Variants in TLE4 observed in about 807,000 individuals in gnomAD.
TLE4 encodes the protein transducin-like enhancer protein 4.
In TLE4, 8 loss-of-function variants were observed where a neutral mutation model predicts 92.8. That is an observed-to-expected ratio of 0.09 (90% CI 0.05 to 0.16). The LOEUF (loss-of-function observed/expected upper bound fraction) is 0.16. Among genes scored for constraint, TLE4 ranks in the 10% least tolerant of loss-of-function variants. TLE4 has a pLI of 1.00. For synonymous variants in TLE4, 371 were observed against 374.1 expected, an observed-to-expected ratio of 0.99 and a Z score of 0.10; for missense variants, 675 against 997.6, an observed-to-expected ratio of 0.68 and a Z score of 4.36.
chr9:79,575,646 A>T (rs1231865745), intron 3 of TLE4: 1 of 152,390 alleles, frequency 6.6e-6, no homozygotes, highest in Non-Finnish European at 1.5e-5. Context: ...TAACCCACTC[A>T]TTTATTTTTC....
chr9:79,617,897 A>G (rs1376778664), intron 5 of TLE4, among the ~76,000 whole-genome samples: 4 of 151,776 alleles, frequency 2.6e-5, no homozygotes, highest in Admixed American at 1.3e-4. Flanking sequence ...GAAGCCATCT[A>G]TAGCTAATTT....
At chr9:79,705,493 A>G (rs1053608672) in intron 9 of TLE4, among the ~76,000 whole-genome samples, 1 of 152,180 alleles carries the variant, frequency 6.6e-6, no homozygotes, top group Non-Finnish European at 1.5e-5. Context: ...AAAGCTGGAA[A>G]TCTGGATTTT....
intron 4 of TLE4, among the ~76,000 whole-genome samples, chr9:79,591,377 T>G (rs1159955216): frequency 6.6e-6 from 1 of 152,036 alleles, no homozygotes; most frequent in Non-Finnish European, 1.5e-5. Flanking sequence ...TCAGGCTGTG[T>G]TTAGTGTTTC....
intron 8 of TLE4, among the ~76,000 whole-genome samples, chr9:79,670,342 AGGCTCACAAAT>A (rs1258494377): frequency 1.3e-5 from 2 of 152,162 alleles, no homozygotes; most frequent in Non-Finnish European, 2.9e-5. Context: ...GCACAACAAA[AGGCTCACAAAT>A]GAAAAGAATG....
chr9:79,667,000 T>G (rs571784172), intron 8 of TLE4, among the ~76,000 whole-genome samples: 29 of 152,364 alleles, frequency 1.9e-4, no homozygotes, highest in Middle Eastern at 3.4e-3. Context: ...TCAGGCACTT[T>G]GGAGTTCATT....
chr9:79,633,047 T>G (rs1310783331), intron 6 of TLE4, among the ~76,000 whole-genome samples: 2 of 152,192 alleles, frequency 1.3e-5, no homozygotes, highest in Non-Finnish European at 2.9e-5. Flanking sequence ...CCTCACTCTT[T>G]TTCTTTTCTT....
chr9:79,625,612 T>A (rs1291897054), intron 5 of TLE4, among the ~76,000 whole-genome samples: 1 of 152,058 alleles, frequency 6.6e-6, no homozygotes, highest in Non-Finnish European at 1.5e-5. Context: ...ATCTAGAGAA[T>A]CAAATTGTCT....
chr9:79,627,679 G>T, intron 6 of TLE4: 1 of 517,070 alleles, frequency 1.9e-6, no homozygotes, highest in East Asian at 3.4e-5. Context: ...CCTCTAAGGA[G>T]ACTGGATAGC....
intron 8 of TLE4, among the ~76,000 whole-genome samples, chr9:79,658,830 T>C (rs1490371868): frequency 6.6e-6 from 1 of 152,132 alleles, no homozygotes; most frequent in Non-Finnish European, 1.5e-5. Flanking sequence ...AAAGGGGAAA[T>C]CATTGAAATC....
intron 4 of TLE4, among the ~76,000 whole-genome samples, chr9:79,580,715 CT>C (rs371897356): frequency 0.027 from 3,758 of 140,862 alleles, 68 homozygotes; most frequent in African/African-American, 0.049. Flanking sequence ...TACCCAGTGC[CT>C]TTTTTTTTTT....
At chr9:79,616,073 T>C (rs1307337584) in intron 5 of TLE4, among the ~76,000 whole-genome samples, 1 of 152,178 alleles carries the variant, frequency 6.6e-6, no homozygotes, top group Non-Finnish European at 1.5e-5. Context: ...AATTTATTCT[T>C]CAAAAAGCCA....
Position 79,720,310 on chromosome 9 carries a change from T to C in TLE4, c.1838+17T>C, listed in dbSNP as rs754790378. ...CTTGGTGAGGTAGGTTAGCAGGATCTGTTACCAGGTTGTGAGGAGGAGCCG... is the reference window on the plus strand; with the variant it reads ...CTTGGTGAGGTAGGTTAGCAGGATCCGTTACCAGGTTGTGAGGAGGAGCCG... On this transcript the variant is annotated intron_variant, in intron 16 of 19. Transcript: ENST00000376552. 6.2e-7 allele frequency: 1 copy of C among 1,600,638 alleles called. No homozygotes were observed. Among genetic ancestry groups the C allele is most frequent in the South Asian group, 1.1e-5 (1 of 90,332 alleles).
At chr9:79,587,735 C>T (rs958782202) in intron 4 of TLE4, among the ~76,000 whole-genome samples, 2 of 152,144 alleles carry the variant, frequency 1.3e-5, no homozygotes, top group African/African-American at 4.8e-5. Flanking sequence ...GTTGTAGCTG[C>T]ATCTTCCTGG....
At chr9:79,722,701 G>A in intron 18 of TLE4, 100 bp downstream of exon 18, 1 of 1,415,080 alleles carries the variant, frequency 7.1e-7, no homozygotes, top group Non-Finnish European at 9.6e-7. Context: ...TCATTACCAT[G>A]CCCCTCTTCA....
intron 5 of TLE4, among the ~76,000 whole-genome samples, chr9:79,623,331 A>G (rs1192390259): frequency 2.6e-5 from 4 of 152,154 alleles, no homozygotes; most frequent in Admixed American, 6.5e-5. Flanking sequence ...TCTGAGAAAT[A>G]TATATTAAAC....
chr9:79,709,765 C>T (rs2072743436), intron 14 of TLE4, 66 bp downstream of exon 14: 1 of 1,359,282 alleles, frequency 7.4e-7, no homozygotes, highest in South Asian at 1.2e-5. Flanking sequence ...GCCCCGTAGA[C>T]TTAGAATACC....
intron 8 of TLE4, among the ~76,000 whole-genome samples, chr9:79,654,896 C>T (rs575229755): frequency 9.9e-5 from 15 of 152,280 alleles, no homozygotes; most frequent in African/African-American, 3.4e-4. Context: ...GTAATCCCAG[C>T]ATATTGGGAG....
intron 5 of TLE4, among the ~76,000 whole-genome samples, chr9:79,626,978 T>C (rs114179198): frequency 3.4e-4 from 52 of 152,302 alleles, no homozygotes; most frequent in African/African-American, 1.2e-3. Context: ...GGAAACAATT[T>C]TTAAAAATTT....
At chr9:79,607,879 C>T (rs539987021) in intron 4 of TLE4, among the ~76,000 whole-genome samples, 109 of 151,950 alleles carry the variant, frequency 7.2e-4, no homozygotes, top group Middle Eastern at 3.4e-3. Flanking sequence ...CTTGGCAATG[C>T]GGGCTTTTTT....
Sources: allele counts gnomAD v4.1 joint callset (sites outside exome capture counted in the v4.1 genomes callset), GRCh38; gene constraint gnomAD v4.1.1; transcripts MANE v1.5; gene names NCBI Gene and HGNC (gene_info 2026-07-23, HGNC 2026-07-21).